The following USO1 variants were observed in gnomAD, a reference collection of about 807,000 sequenced individuals.
USO1 encodes general vesicular transport factor p115.
In USO1, 57 loss-of-function variants were observed where a neutral mutation model predicts 124.5. The observed-to-expected ratio is 0.46, with a 90% CI of 0.37 to 0.57. The LOEUF is 0.57. USO1 is among the 20% of genes least tolerant of loss of function. The probability of loss-of-function intolerance (pLI) is 0.00; values close to 1 mark genes in which losing one functional copy is unlikely to be tolerated. For synonymous variants in USO1, 369 were observed against 362.8 expected, an observed-to-expected ratio of 1.02 and a Z score of -0.19; for missense variants, 900 against 1,040.6, an observed-to-expected ratio of 0.86 and a Z score of 1.86.
intron 1 of USO1, among the ~76,000 whole-genome samples, chr4:75,742,962 T>A (rs1721007712): frequency 6.6e-6 from 1 of 151,872 alleles, no homozygotes; most frequent in African/African-American, 2.4e-5. Context: ...CAGGATCCCA[T>A]CTGGGAAAGT....
At chr4:75,764,715 T>C (rs1299941660) in intron 4 of USO1, among the ~76,000 whole-genome samples, 1 of 152,206 alleles carries the variant, frequency 6.6e-6, no homozygotes, top group Non-Finnish European at 1.5e-5. Context: ...TCACAAACTT[T>C]TGGCCCAAGG....
Position 75,800,462 on chromosome 4 carries a change from T to A in USO1, c.1675T>A (p.Tyr559Asn). ...IYFNDNSLESYMKEKLKQLIE... is the reference protein window; with the variant it reads ...IYFNDNSLESNMKEKLKQLIE... ...TTTCAATGATAACTCACTTGAGAGC[T>A]ACATGAAGTAAGTAAGGGGAAGATG... Residue 559 changes from tyrosine to asparagine, a missense_variant, in exon 15 of 24, where the codon TAC becomes AAC. Tyr to Asn is a moderately radical substitution (Grantham distance 143). Transcript: ENST00000514213. The A allele has an allele frequency of 6.3e-7, 1 of 1,589,406 alleles. No individual in the cohort carries two copies.
At chr4:75,771,212 A>T (rs1466944813) in intron 7 of USO1, 75 bp downstream of exon 7, 2 of 1,468,722 alleles carry the variant, frequency 1.4e-6, no homozygotes, top group East Asian at 4.8e-5. Context: ...CTTGTTGTTG[A>T]GTTTTAGGAA....
At chr4:75,730,085 G>A (rs535016972) in intron 1 of USO1, 8 of 236,700 alleles carry the variant, frequency 3.4e-5, no homozygotes, top group East Asian at 2.6e-4. Context: ...TAACAATGTC[G>A]GAGAGAACTG....
intron 1 of USO1, among the ~76,000 whole-genome samples, chr4:75,749,768 C>A (rs1721247478): frequency 1.4e-5 from 2 of 143,998 alleles, no homozygotes; most frequent in Admixed American, 1.4e-4. Context: ...TTTTTTTTCT[C>A]CCGAGACGGA....
intron 8 of USO1, 75 bp downstream of exon 8, chr4:75,774,871 G>A: frequency 6.8e-7 from 1 of 1,474,516 alleles, no homozygotes; most frequent in South Asian, 1.5e-5. Context: ...GAATACAGTT[G>A]GAGGGAGAAA....
chr4:75,756,916 C>T (rs1030477809), intron 3 of USO1, among the ~76,000 whole-genome samples: 3 of 151,738 alleles, frequency 2.0e-5, no homozygotes, highest in African/African-American at 2.4e-5. Context: ...AAGTCTACTT[C>T]GTTCCTCTAG....
intron 13 of USO1, among the ~76,000 whole-genome samples, chr4:75,796,431 G>A (rs999505194): frequency 7.4e-5 from 11 of 148,790 alleles, no homozygotes; most frequent in African/African-American, 2.7e-4. Flanking sequence ...TGCCTTCTGG[G>A]TTCAAGCGAT....
At chr4:75,736,307 CTTTTTTTTTTTT>C (rs775201813) in intron 1 of USO1, among the ~76,000 whole-genome samples, 1 of 63,276 alleles carries the variant, frequency 1.6e-5, no homozygotes, top group East Asian at 5.1e-4. Context: ...TACAGCTTAC[CTTTTTTTTTTTT>C]TTTTTTTTTT....
chr4:75,742,110 T>C (rs140027472), intron 1 of USO1, among the ~76,000 whole-genome samples: 197 of 152,350 alleles, frequency 1.3e-3, no homozygotes, highest in African/African-American at 4.4e-3. Flanking sequence ...ACAGTTAACT[T>C]TTATTTTTTG....
At chr4:75,734,711 A>C (rs1311299319) in intron 1 of USO1, among the ~76,000 whole-genome samples, 1 of 113,156 alleles carries the variant, frequency 8.8e-6, no homozygotes, top group African/African-American at 3.2e-5. Flanking sequence ...TGCTTTGGGC[A>C]GTATGGCTTT....
In USO1 at chr4:75,808,974, C is replaced by T; in HGVS notation, c.2398C>T (p.Gln800Ter). The T allele has an allele frequency of 6.2e-7, 1 of 1,602,476 alleles. No homozygotes were observed. The highest frequency in any genetic ancestry group is 8.5e-7 in the Non-Finnish European group (1 of 1,174,538). ...LKQELATLKSQLNSQSVEITK... is the reference protein window; with the variant it reads ...LKQELATLKS ...TTAGGAACTGGCAACTTTAAAGTCT[C>T]AGTTAAACTCACAATCTGTGGAGAT... The change falls in exon 21 of 24, where the codon CAG becomes TAG. Residue 800 changes from glutamine to a stop codon, truncating the protein, a stop_gained. Coordinates refer to ENST00000514213, the MANE Select transcript of USO1 (RefSeq NM_003715.4). LOFTEE classifies it high-confidence loss of function.
intron 9 of USO1, among the ~76,000 whole-genome samples, chr4:75,785,109 G>A (rs1257112574): frequency 6.6e-6 from 1 of 152,136 alleles, no homozygotes; most frequent in Non-Finnish European, 1.5e-5. Context: ...AATACTTTAT[G>A]TATAACTTTA....
At chr4:75,777,868 C>T (rs556342896) in intron 8 of USO1, among the ~76,000 whole-genome samples, 55 of 152,300 alleles carry the variant, frequency 3.6e-4, no homozygotes, top group African/African-American at 1.3e-3. Context: ...CATATTCACA[C>T]AAACATCTGC....
chr4:75,799,313 T>G (rs1333925020), intron 13 of USO1, among the ~76,000 whole-genome samples: 1 of 152,136 alleles, frequency 6.6e-6, no homozygotes, highest in East Asian at 1.9e-4. Flanking sequence ...TAGATTATTT[T>G]AAAGCCTCCA....
At chr4:75,747,789 T>A (rs1721170235) in intron 1 of USO1, among the ~76,000 whole-genome samples, 1 of 150,862 alleles carries the variant, frequency 6.6e-6, no homozygotes, top group Non-Finnish European at 1.5e-5. Context: ...TTTTGTATTT[T>A]TTTTTTTAGT....
chr4:75,771,013 T>A, intron 6 of USO1, 69 bp from the exon 7 acceptor site: 1 of 1,597,704 alleles, frequency 6.3e-7, no homozygotes, highest in East Asian at 2.2e-5. Context: ...GTTAGTAAAT[T>A]GTTAATAATT....
At chr4:75,785,787 T>G (rs1722345222) in intron 9 of USO1, among the ~76,000 whole-genome samples, 2 of 152,150 alleles carry the variant, frequency 1.3e-5, no homozygotes, top group East Asian at 1.9e-4. Flanking sequence ...CAAGTGGAGA[T>G]GCATACAGAA....
rs1355676158 is a variant in USO1, at chr4:75,787,177, G to A, written c.971G>A (p.Gly324Glu). The change falls in exon 10 of 24, where the codon GGG (glycine) becomes GAG (glutamate). Residue 324 changes from glycine to glutamate, a missense_variant. Gly to Glu is a moderately conservative substitution (Grantham distance 98). Transcript: ENST00000514213. ...CTTTGTACTATCCTAATGGCTACTGGGGTTCCTGCTGATATCCTGACTGAG... is the reference window on the plus strand; with the variant it reads ...CTTTGTACTATCCTAATGGCTACTGAGGTTCCTGCTGATATCCTGACTGAG... ...QQLCTILMAT[G>E]VPADILTETI... 1.3e-6 allele frequency: 2 copies of A among 1,559,292 alleles called. No individual in the cohort carries two copies. Among genetic ancestry groups the A allele is most frequent in the Non-Finnish European group, 1.7e-6 (2 of 1,155,724 alleles).
Sources: allele counts gnomAD v4.1 joint callset (sites outside exome capture counted in the v4.1 genomes callset), GRCh38; gene constraint gnomAD v4.1.1; transcripts MANE v1.5; gene names NCBI Gene and HGNC (gene_info 2026-07-23, HGNC 2026-07-21).